Variants in ZNF506 observed in about 807,000 individuals in gnomAD.
ZNF506 encodes the protein zinc finger protein 506.
Under a neutral mutation model 11.6 loss-of-function variants are expected in ZNF506, and 10 were observed. The ratio of observed to expected loss-of-function variants is 0.86; its 90% CI spans 0.53 to 1.46. The LOEUF (loss-of-function observed/expected upper bound fraction) is 1.46. Ranked by LOEUF, ZNF506 falls within the 40% of genes most tolerant of loss-of-function variation. ZNF506 has a pLI of 0.00. For synonymous variants in ZNF506, 156 were observed against 173.3 expected (o/e 0.90, Z 0.78); for missense variants, 425 against 521.2 (o/e 0.82, Z 1.80).
At chr19:19,801,912 T>C (rs558401096) in intron 3 of ZNF506, among the ~76,000 whole-genome samples, 1 of 114,588 alleles carries the variant, frequency 8.7e-6, no homozygotes, top group Non-Finnish European at 1.7e-5. Flanking sequence ...TAAACAAACA[T>C]TGTTAGGCCA....
At chr19:19,804,204 T>C (rs2062817068) in intron 3 of ZNF506, among the ~76,000 whole-genome samples, 1 of 151,926 alleles carries the variant, frequency 6.6e-6, no homozygotes, top group Non-Finnish European at 1.5e-5. Flanking sequence ...AGGGCTAATA[T>C]CCAGAATCTA....
chr19:19,795,269 AC>A lies in ZNF506; in HGVS notation c.617del (p.Cys206LeufsTer44), dbSNP rs1167470183. ...GTGAGGACTGCTTATAGGCTTTACC[AC>A]ATTCTTCACATTTATAGCGTTTCTC... Reference protein sequence around the residue: ...AGEKRYKCEECGKAYKQSSHL... With the variant: ...AGEKRYKCEEXGKAYKQSSHL... On this transcript the variant is annotated frameshift_variant, in exon 4 of 4. Coordinates refer to ENST00000540806, the MANE Select transcript of ZNF506 (RefSeq NM_001099269.3). LOFTEE classifies it low-confidence loss of function (END_TRUNC). The A allele has an allele frequency of 6.2e-7, 1 of 1,614,056 alleles. No individual in the cohort carries two copies. The highest frequency in any genetic ancestry group is 1.7e-5 in the Admixed American group (1 of 60,022).
chr19:19,806,413 C>T (rs2062836282), intron 2 of ZNF506: 4 of 198,640 alleles, frequency 2.0e-5, no homozygotes, highest in Non-Finnish European at 4.1e-5. Context: ...TGTGCCACCA[C>T]GCCCGACTAA....
chr19:19,808,628 C>T (rs569380326), intron 1 of ZNF506, among the ~76,000 whole-genome samples: 3 of 151,014 alleles, frequency 2.0e-5, no homozygotes, highest in East Asian at 2.0e-4. Context: ...GGGCGGATCA[C>T]GAGGTCATGA....
Position 19,807,823 on chromosome 19 carries a change from T to A in ZNF506, c.4-755A>T, listed in dbSNP as rs183825207. Among the ~76,000 whole-genome samples the A allele has an allele frequency of 2.6e-3, 393 of 152,084 alleles. 2 individuals are homozygous for A. Among genetic ancestry groups the A allele is most frequent in the African/African-American group, 9.1e-3 (379 of 41,500 alleles). On this transcript the variant is annotated intron_variant, in intron 1 of 3. Coordinates refer to ENST00000540806, the MANE Select transcript of ZNF506 (RefSeq NM_001099269.3). Reference sequence around the variant, plus strand: ...GCGCCCGGTCAATTTTTTGAATTTCTAACAAGCTCACCAGTAATGCCAATG... The same window carrying A: ...GCGCCCGGTCAATTTTTTGAATTTCAAACAAGCTCACCAGTAATGCCAATG...
intron 3 of ZNF506, chr19:19,798,805 T>C (rs1353232381): frequency 1.3e-5 from 2 of 151,964 alleles, no homozygotes; most frequent in Non-Finnish European, 2.9e-5. Context: ...AATTATTTTA[T>C]TAACAGTAAG....
In ZNF506 at chr19:19,821,719, T is replaced by C. The variant is rs2062968869; in HGVS notation, c.-116A>G. 2.2e-6 allele frequency: 3 copies of C among 1,347,062 alleles called. No individual in the cohort carries two copies. The highest frequency in any genetic ancestry group is 1.4e-5 in the African/African-American group (1 of 69,458). 83.4% of individuals were successfully genotyped at this position (1,347,062 alleles called of 1,614,324 possible). On this transcript the variant is annotated 5_prime_UTR_variant, in exon 1 of 4. Coordinates refer to ENST00000540806, the MANE Select transcript of ZNF506 (RefSeq NM_001099269.3). ...TGACGGCACAGAGCAGTGAAGACGA[T>C]AGCTGGATCTCTGGCGTCAGCGAGA...
chr19:19,802,313 A>C (rs923352334), intron 3 of ZNF506, among the ~76,000 whole-genome samples: 7 of 152,190 alleles, frequency 4.6e-5, no homozygotes, highest in Non-Finnish European at 1.0e-4. Context: ...TGTGGCAGTA[A>C]AATTTCAGAG....
intron 3 of ZNF506, chr19:19,798,103 TCTTA>T (rs2062758045): frequency 6.6e-6 from 1 of 152,234 alleles, no homozygotes; most frequent in South Asian, 2.1e-4. Flanking sequence ...AAATGGAATT[TCTTA>T]CTTAACTAAT....
At chr19:19,800,931 C>T (rs978751715) in intron 3 of ZNF506, among the ~76,000 whole-genome samples, 1 of 151,866 alleles carries the variant, frequency 6.6e-6, no homozygotes, top group African/African-American at 2.4e-5. Context: ...GAGGCCGAGG[C>T]AGGCGGATCA....
chr19:19,821,522 T>TGGCACA, intron 1 of ZNF506, 79 bp downstream of exon 1: 1 of 1,599,620 alleles, frequency 6.3e-7, no homozygotes, highest in Non-Finnish European at 8.6e-7. Flanking sequence ...GTTCTGCCAC[T>TGGCACA]GCCACAGCCA....
chr19:19,820,730 C>T (rs999897386), intron 1 of ZNF506: 2 of 152,302 alleles, frequency 1.3e-5, no homozygotes, highest in African/African-American at 4.8e-5. Context: ...AACTACGTAA[C>T]TATACCTAAT....
chr19:19,816,793 C>T (rs2145206892), intron 1 of ZNF506, among the ~76,000 whole-genome samples: 1 of 147,880 alleles, frequency 6.8e-6, no homozygotes, highest in Admixed American at 6.8e-5. Context: ...CCAGCCTGGC[C>T]TAAAATAAAA....
intron 3 of ZNF506, among the ~76,000 whole-genome samples, chr19:19,804,272 G>A (rs1194372491): frequency 6.6e-6 from 1 of 152,144 alleles, no homozygotes; most frequent in African/African-American, 2.4e-5. Context: ...AGTGGGCAAA[G>A]GATATGAACA....
chr19:19,821,065 A>G (rs951945006), intron 1 of ZNF506, among the ~76,000 whole-genome samples: 2 of 152,050 alleles, frequency 1.3e-5, no homozygotes, highest in African/African-American at 4.8e-5. Context: ...ACACACAGCT[A>G]ACTTTTGTAT....
At chr19:19,804,817 G>A (rs2062823073) in intron 3 of ZNF506, among the ~76,000 whole-genome samples, 1 of 152,058 alleles carries the variant, frequency 6.6e-6, no homozygotes, top group Non-Finnish European at 1.5e-5. Flanking sequence ...ATCATTCTGA[G>A]CAAACTATCA....
intron 3 of ZNF506, chr19:19,799,245 T>C (rs1182568365): frequency 2.6e-5 from 10 of 385,258 alleles, no homozygotes; most frequent in Non-Finnish European, 4.1e-5. Context: ...CAAAGTTGAA[T>C]AGAGCAATAT....
At chr19:19,807,172 T>C (rs545878270) in intron 1 of ZNF506, 104 bp from the exon 2 acceptor site, 23 of 1,552,194 alleles carry the variant, frequency 1.5e-5, no homozygotes, top group African/African-American at 5.5e-5. Context: ...TTCTGACTTA[T>C]AGGACTAAAA....
chr19:19,806,855 G>C, intron 2 of ZNF506, 87 bp downstream of exon 2: 1 of 1,490,410 alleles, frequency 6.7e-7, no homozygotes, highest in East Asian at 2.4e-5. Context: ...TGTATGCAAA[G>C]AATAAATTAC....
Sources: allele counts gnomAD v4.1 joint callset (sites outside exome capture counted in the v4.1 genomes callset), GRCh38; gene constraint gnomAD v4.1.1; transcripts MANE v1.5; gene names NCBI Gene and HGNC (gene_info 2026-07-23, HGNC 2026-07-21).